The following STRBP variants were observed in gnomAD, a reference collection of about 807,000 sequenced individuals.
The protein encoded by STRBP is spermatid perinuclear RNA binding protein.
Under a neutral mutation model 80.1 loss-of-function variants are expected in STRBP, and 13 were observed. The observed-to-expected ratio is 0.16, with a 90% CI of 0.11 to 0.26. The LOEUF is 0.26. STRBP is among the 10% of genes least tolerant of loss of function. The pLI is 1.00. For synonymous variants in STRBP, 284 were observed against 291.2 expected, an observed-to-expected ratio of 0.98 and a Z score of 0.25; for missense variants, 485 against 815.2, an observed-to-expected ratio of 0.59 and a Z score of 4.93.
At chr9:123,262,137 C>T (rs2041171888) in intron 1 of STRBP, among the ~76,000 whole-genome samples, 1 of 152,170 alleles carries the variant, frequency 6.6e-6, no homozygotes, top group Admixed American at 6.6e-5. Context: ...AGAGAAGGAT[C>T]TATTCTTTAC....
chr9:123,207,616 G>A (rs892794160), intron 2 of STRBP, among the ~76,000 whole-genome samples: 1 of 152,062 alleles, frequency 6.6e-6, no homozygotes, highest in African/African-American at 2.4e-5. Context: ...GATAGCATTC[G>A]GAGAAATACC....
intron 2 of STRBP, among the ~76,000 whole-genome samples, chr9:123,213,011 A>G (rs1037691070): frequency 6.6e-6 from 1 of 152,258 alleles, no homozygotes; most frequent in Non-Finnish European, 1.5e-5. Flanking sequence ...TCAGGAGACC[A>G]GGGCTATAGT....
At chr9:123,196,153 G>A (rs560699797) in intron 2 of STRBP, among the ~76,000 whole-genome samples, 132 of 152,242 alleles carry the variant, frequency 8.7e-4, no homozygotes, top group Middle Eastern at 3.4e-3. Flanking sequence ...AAATGGTGCT[G>A]GGAAAACTGG....
chr9:123,202,315 T>C (rs1374950340), intron 2 of STRBP, among the ~76,000 whole-genome samples: 1 of 152,246 alleles, frequency 6.6e-6, no homozygotes, highest in African/African-American at 2.4e-5. Context: ...TTACAGATCC[T>C]GTGGGTTTTA....
intron 4 of STRBP, among the ~76,000 whole-genome samples, chr9:123,177,496 C>A (rs2038272358): frequency 6.6e-6 from 1 of 151,928 alleles, no homozygotes; most frequent in South Asian, 2.1e-4. Context: ...TCACTTGAGC[C>A]CAGGAGTTCA....
intron 1 of STRBP, among the ~76,000 whole-genome samples, chr9:123,267,203 A>G (rs1278511133): frequency 1.4e-5 from 2 of 147,504 alleles, no homozygotes; most frequent in South Asian, 2.1e-4. Flanking sequence ...ACGTCCTCCA[A>G]CACTTGCCAA....
intron 1 of STRBP, among the ~76,000 whole-genome samples, chr9:123,245,954 T>C (rs1244354471): frequency 1.3e-5 from 2 of 152,232 alleles, no homozygotes; most frequent in Non-Finnish European, 2.9e-5. Context: ...TAGTTCATTA[T>C]GGTTTATTTT....
At chr9:123,191,655 T>C (rs548107583) in intron 2 of STRBP, among the ~76,000 whole-genome samples, 28 of 152,252 alleles carry the variant, frequency 1.8e-4, no homozygotes, top group African/African-American at 5.8e-4. Flanking sequence ...ACATGTAATT[T>C]TCACATCAAA....
At chr9:123,155,437 A>T (rs7870519) in intron 11 of STRBP, among the ~76,000 whole-genome samples, 9,177 of 152,226 alleles carry the variant, frequency 0.06, 320 homozygotes, top group Non-Finnish European at 0.067. Flanking sequence ...AGGTAGAGAG[A>T]TGGATTTCAA....
chr9:123,199,803 T>A (rs2039246103), intron 2 of STRBP, among the ~76,000 whole-genome samples: 2 of 152,212 alleles, frequency 1.3e-5, no homozygotes, highest in South Asian at 4.1e-4. Context: ...TACAATCATA[T>A]CATCTGCAAA....
intron 6 of STRBP, among the ~76,000 whole-genome samples, chr9:123,167,656 A>C (rs1467150898): frequency 6.6e-6 from 1 of 152,154 alleles, no homozygotes; most frequent in African/African-American, 2.4e-5. Flanking sequence ...ATTCAAAAAA[A>C]AAAAAGGAAG....
At chr9:123,173,991 T>A (rs985120565) in intron 4 of STRBP, 149 bp from the exon 5 acceptor site, 6 of 799,886 alleles carry the variant, frequency 7.5e-6, no homozygotes, top group Admixed American at 3.1e-5. Context: ...AGCCTCAGAT[T>A]TGAGGCTTAT....
At chr9:123,125,865 A>C (rs1315809508) in intron 18 of STRBP, among the ~76,000 whole-genome samples, 192 bp from the exon 19 acceptor site, 2 of 152,238 alleles carry the variant, frequency 1.3e-5, no homozygotes, top group Non-Finnish European at 2.9e-5. Context: ...TATTTTGATA[A>C]ATAATATTTT....
At chr9:123,166,919 G>A (rs1291484666) in intron 6 of STRBP, among the ~76,000 whole-genome samples, 1 of 152,168 alleles carries the variant, frequency 6.6e-6, no homozygotes, top group African/African-American at 2.4e-5. Context: ...TTAGAATACA[G>A]AAAGACAACG....
chr9:123,128,540 A>G (rs535299768), intron 17 of STRBP, among the ~76,000 whole-genome samples: 2 of 152,180 alleles, frequency 1.3e-5, no homozygotes, highest in Non-Finnish European at 2.9e-5. Flanking sequence ...TCTATTAACT[A>G]TCAGTTCCTT....
At chr9:123,154,518 T>C (rs1487207835) in intron 11 of STRBP, among the ~76,000 whole-genome samples, 1 of 152,186 alleles carries the variant, frequency 6.6e-6, no homozygotes, top group Non-Finnish European at 1.5e-5. Context: ...GGGGCACTGA[T>C]AGAATTCTGT....
chr9:123,126,131 C>T lies in STRBP; in HGVS notation c.1943-458G>A, dbSNP rs578137661. Among the ~76,000 whole-genome samples the T allele has an allele frequency of 6.6e-6, 1 of 152,270 alleles. No homozygotes were observed. Among genetic ancestry groups the T allele is most frequent in the East Asian group, 1.9e-4 (1 of 5,188 alleles). On this transcript the variant is annotated intron_variant, in intron 18 of 18. Transcript: ENST00000348403. The surrounding 1 kb of genome is among the most constrained non-coding windows in gnomAD (Gnocchi z 4.4). Reference sequence around the variant, plus strand: ...TTACTTAACTTCTTAATGGCTATGGCCAATATTGGCATGGCAAATCTGGAA... The same window carrying T: ...TTACTTAACTTCTTAATGGCTATGGTCAATATTGGCATGGCAAATCTGGAA...
At chr9:123,194,097 T>C (rs922962456) in intron 2 of STRBP, among the ~76,000 whole-genome samples, 2 of 152,144 alleles carry the variant, frequency 1.3e-5, no homozygotes, top group Non-Finnish European at 2.9e-5. Context: ...AAAATGCAAG[T>C]AGGAGCCTCA....
At chr9:123,229,040 T>C (rs919732559) in intron 2 of STRBP, among the ~76,000 whole-genome samples, 2 of 152,192 alleles carry the variant, frequency 1.3e-5, no homozygotes, top group Non-Finnish European at 2.9e-5. Context: ...ATAATACGCA[T>C]GAACCTTGAA....
Sources: gnomAD v4.1 joint callset for allele counts (sites outside exome capture counted in the v4.1 genomes callset) on GRCh38, gnomAD v4.1.1 for gene constraint, Gnocchi (gnomAD v3.1) non-coding constraint, MANE v1.5 for transcripts, NCBI Gene and HGNC (gene_info 2026-07-23, HGNC 2026-07-21) for gene names.